DCLRE1A: variants seen among roughly 807,000 people sequenced by gnomAD.
DCLRE1A encodes DNA cross-link repair 1A protein.
A neutral mutation model predicts 91.9 loss-of-function variants in DCLRE1A; 64 were observed. The ratio of observed to expected loss-of-function variants is 0.70; its 90% confidence interval spans 0.57 to 0.86. The LOEUF (loss-of-function observed/expected upper bound fraction) is 0.86. DCLRE1A is among the 40% of genes least tolerant of loss of function. DCLRE1A has a pLI of 0.00. For synonymous variants in DCLRE1A, 416 were observed against 431.1 expected (o/e 0.96, Z 0.43); for missense variants, 1,145 against 1,213.3 (o/e 0.94, Z 0.84).
At chr10:113,844,273 T>C (rs1024325305) in intron 4 of DCLRE1A, 29 bp from the exon 5 acceptor site, 2 of 1,612,298 alleles carry the variant, frequency 1.2e-6, no homozygotes, top group Non-Finnish European at 1.7e-6. Flanking sequence ...GGAATGTTCA[T>C]AACACAGGCA....
intron 1 of DCLRE1A, among the ~76,000 whole-genome samples, chr10:113,852,118 C>T (rs11196531): frequency 0.11 from 17,222 of 152,172 alleles, 1,292 homozygotes; most frequent in East Asian, 0.26. Flanking sequence ...GGGCAGATCA[C>T]GAGGTCAGGA....
chr10:113,849,708 A>C lies in DCLRE1A; in HGVS notation c.1397T>G (p.Leu466Trp). The C allele has an allele frequency of 1.2e-6, 2 of 1,614,224 alleles. No individual in the cohort carries two copies. Among genetic ancestry groups the C allele is most frequent in the Non-Finnish European group, 1.7e-6 (2 of 1,180,042 alleles). ...VSLPLVKSLMLKPFESQVEGY... is the reference protein window; with the variant it reads ...VSLPLVKSLMWKPFESQVEGY... ...TTCTACCTGACTTTCAAAAGGTTTC[A>C]ACATTAAACTCTTAACTAACGGAAG... is the stretch of plus-strand genomic sequence containing the variant. Residue 466 changes from leucine (L) to tryptophan (W), a missense_variant, in exon 2 of 9, where the codon TTG becomes TGG. Transcript: ENST00000361384.
intron 7 of DCLRE1A, among the ~76,000 whole-genome samples, chr10:113,839,976 A>G (rs1282721797): frequency 2.0e-5 from 3 of 152,160 alleles, no homozygotes; most frequent in Non-Finnish European, 4.4e-5. Context: ...GTTATTAAAA[A>G]CCAACTTGAA....
At chr10:113,840,181 C>T (rs927951281) in intron 7 of DCLRE1A, among the ~76,000 whole-genome samples, 2 of 151,918 alleles carry the variant, frequency 1.3e-5, no homozygotes, top group African/African-American at 4.8e-5. Context: ...GTAATTCCAG[C>T]CACTCAGGAG....
At chr10:113,837,446 C>T (rs1845381344) in intron 7 of DCLRE1A, among the ~76,000 whole-genome samples, 1 of 151,982 alleles carries the variant, frequency 6.6e-6, no homozygotes, top group Admixed American at 6.6e-5. Flanking sequence ...AGCGAGACAA[C>T]TTTAAACACA....
At chr10:113,847,077 T>C in intron 3 of DCLRE1A, 125 bp downstream of exon 3, 2 of 967,684 alleles carry the variant, frequency 2.1e-6, no homozygotes, top group South Asian at 5.3e-5. Flanking sequence ...TTATGTGGAA[T>C]ATGTTTTCTC....
At chr10:113,842,587 A>G in intron 5 of DCLRE1A, 99 bp from the exon 6 acceptor site, 2 of 1,136,192 alleles carry the variant, frequency 1.8e-6, no homozygotes, top group Non-Finnish European at 2.5e-6. Flanking sequence ...CAACTTACAT[A>G]CAACAGCAAT....
In DCLRE1A at chr10:113,841,554, G is replaced by A. The variant is rs536836799; in HGVS notation, c.2672C>T (p.Ala891Val). Residue 891 changes from alanine (A) to valine (V), a missense_variant, in exon 7 of 9, where the codon GCT becomes GTT. Transcript: ENST00000361384. ...GCCCACTTTTGAACCTAAAACATCA[G>A]CAATGGCTATGGGCAAAAGAAAAGA... ...IGKEKVFLAI[A>V]DVLGSKVGMS... The A allele has an allele frequency of 3.4e-5, 54 of 1,605,458 alleles. No homozygotes were observed. The South Asian group carries it at 6.1e-4, about 18-fold the overall frequency.
At position 113,850,706 on chromosome 10, in the gene DCLRE1A, T is replaced by C. The variant is rs971961811; in HGVS notation, c.461-62A>G. On this transcript the variant is annotated intron_variant, in intron 1 of 8. Coordinates refer to ENST00000361384, the MANE Select transcript of DCLRE1A (RefSeq NM_014881.5). ...AAGCATAGACTAAGCTTTGACAACA[T>C]TAGCAGTATAAATTGGGTTCCATTA... The C allele has an allele frequency of 5.2e-6, 7 of 1,344,624 alleles. No individual in the cohort carries two copies. In the African/African-American group the frequency reaches 1.0e-4, roughly 20 times the overall value. 83.3% of individuals were successfully genotyped at this position (1,344,624 alleles called of 1,614,324 possible). A position where few individuals can be genotyped will look rare whatever the true frequency, so the allele number is the denominator to read the frequency against.
At chr10:113,846,241 G>C (rs1304681225) in intron 3 of DCLRE1A, among the ~76,000 whole-genome samples, 1 of 152,106 alleles carries the variant, frequency 6.6e-6, no homozygotes, top group Non-Finnish European at 1.5e-5. Context: ...TTGCATACAA[G>C]TTCAGACTCT....
Position 113,853,799 on chromosome 10 carries a change from A to C in DCLRE1A, c.-617T>G, listed in dbSNP as rs1845700773. On this transcript the variant is annotated 5_prime_UTR_variant, in exon 1 of 9. Transcript: ENST00000361384. The stretch of plus-strand genomic sequence containing the variant: ...CGACTAGTGGATACTCAACCACTTC[A>C]GTTTCCCGCGACAGTCCATGATCTT... The C allele has an allele frequency of 6.6e-6, 1 of 152,312 alleles. No homozygotes were observed. The highest frequency in any genetic ancestry group is 1.5e-5 in the Non-Finnish European group (1 of 68,134). The allele number at this position is 152,312 out of a possible 1,614,324, so 9.4% of individuals were successfully genotyped here.
chr10:113,839,126 C>T (rs1371066664), intron 7 of DCLRE1A, among the ~76,000 whole-genome samples: 1 of 151,956 alleles, frequency 6.6e-6, no homozygotes, highest in African/African-American at 2.4e-5. Context: ...GAGATTGAGA[C>T]CATCCTGGCT....
Position 113,853,121 on chromosome 10 carries a change from C to T in DCLRE1A, c.62G>A (p.Arg21Gln), listed in dbSNP as rs772442263. Reference sequence around the variant, plus strand: ...TTTAGAGCCATTATTTGGATCAACTCGTTTTGGTTTTCTTTTAGATTTGTA... The same window carrying T: ...TTTAGAGCCATTATTTGGATCAACTTGTTTTGGTTTTCTTTTAGATTTGTA... ...WEYKSKRKPK[R>Q]VDPNNGSKNI... Residue 21 changes from arginine to glutamine, a missense_variant, in exon 1 of 9, where the codon CGA (arginine) becomes CAA (glutamine). Transcript: ENST00000361384. 3.8e-6 allele frequency: 6 copies of T among 1,595,628 alleles called. No homozygotes were observed. Among genetic ancestry groups the T allele is most frequent in the East Asian group, 2.2e-5 (1 of 44,788 alleles).
rs1002916071 is a variant in DCLRE1A at position 113,852,192 on chromosome 10, C to G, written c.460+531G>C. Among the ~76,000 whole-genome samples, 144 of 152,118 alleles carry G rather than the reference C, an allele frequency of 9.5e-4. 3 individuals carry two copies. Among genetic ancestry groups the G allele is most frequent in the Non-Finnish European group, 2.6e-4 (18 of 68,016 alleles). On this transcript the variant is annotated intron_variant, in intron 1 of 8. Coordinates refer to ENST00000361384, the MANE Select transcript of DCLRE1A (RefSeq NM_014881.5). ...TCTACTAAAAATACAAAAAATTAGC[C>G]GGGTGCGGTGGCGGGCGCCTGTAGT...
In DCLRE1A at chr10:113,836,426, C is replaced by T. The variant is rs114046014; in HGVS notation, c.2962+636G>A. Among the ~76,000 whole-genome samples, 820 of 151,974 alleles carry T rather than the reference C, an allele frequency of 5.4e-3. 6 individuals carry two copies. The highest frequency in any genetic ancestry group is 0.019 in the African/African-American group (784 of 41,448). Reference sequence around the variant, plus strand: ...AATAACAAGCAGGAGACTCTCACTTCCAGAGCAGGTAAGCAGATTTGTCCC... The same window carrying T: ...AATAACAAGCAGGAGACTCTCACTTTCAGAGCAGGTAAGCAGATTTGTCCC... On this transcript the variant is annotated intron_variant, in intron 8 of 8. Transcript: ENST00000361384.
rs540127278 is a variant in DCLRE1A at position 113,848,466 on chromosome 10, A to G, written c.2125+514T>C. On this transcript the variant is annotated intron_variant, in intron 2 of 8. Transcript: ENST00000361384. ...CAATAAAGCACTTTAAAAATCTTTC[A>G]GCAACCAAGTATATTTTGGCAGCAA... Among the ~76,000 whole-genome samples the G allele has an allele frequency of 2.5e-4, 38 of 152,368 alleles. No homozygotes were observed. The South Asian group carries it at 7.5e-3, about 30-fold the overall frequency.
At position 113,842,416 on chromosome 10, in the gene DCLRE1A, C is replaced by T; in HGVS notation, c.2592G>A (p.Glu864=). 1 of 1,613,888 alleles carries T rather than the reference C, an allele frequency of 6.2e-7. No homozygotes were observed. Among genetic ancestry groups the T allele is most frequent in the Admixed American group, 1.7e-5 (1 of 60,018 alleles). The part of the protein sequence containing the change: ...VIRFAINTAF[E]AVTLNPHALV... ...GAGCATGTGGGTTTAGAGTTACAGC[C>T]TCAAAGGCAGTGTTGATGGCAAACC... The change falls in exon 6 of 9, where the codon GAG becomes GAA. Residue 864 remains glutamate, a synonymous_variant. Coordinates refer to ENST00000361384, the MANE Select transcript of DCLRE1A (RefSeq NM_014881.5).
rs567622248 is a variant in DCLRE1A at position 113,848,304 on chromosome 10, G to A, written c.2125+676C>T. 2.0e-5 allele frequency among the ~76,000 whole-genome samples: 3 copies of A among 152,174 alleles called. No homozygotes were observed. The East Asian group carries it at 5.8e-4, about 29-fold the overall frequency. ...TGCACTCCAGCCTAGGCGACAGAGC[G>A]AGACTCTGTCTTTAAATAAATAAAT... On this transcript the variant is annotated intron_variant, in intron 2 of 8. Transcript: ENST00000361384.
rs1232932586 is a variant in DCLRE1A, at chr10:113,844,025, C to T, written c.2519+79G>A. 4 of 1,532,692 alleles carry T rather than the reference C, an allele frequency of 2.6e-6. No homozygotes were observed. The Admixed American group carries it at 6.3e-5, about 24-fold the overall frequency. The allele number at this position is 1,532,692 out of a possible 1,614,324, so 94.9% of individuals were successfully genotyped here. A position where few individuals can be genotyped will look rare whatever the true frequency, so the allele number is the denominator to read the frequency against. On this transcript the variant is annotated intron_variant, in intron 5 of 8. Transcript: ENST00000361384. ...CCTTAAAATAATAATTGGCAATAAGCCATCATTTTGATAACCATAATACAG... is the reference window on the plus strand; with the variant it reads ...CCTTAAAATAATAATTGGCAATAAGTCATCATTTTGATAACCATAATACAG...
Sources: gnomAD v4.1 joint callset for allele counts (sites outside exome capture counted in the v4.1 genomes callset) on GRCh38, gnomAD v4.1.1 for gene constraint, MANE v1.5 for transcripts, NCBI Gene and HGNC (gene_info 2026-07-23, HGNC 2026-07-21) for gene names.